The following TOGARAM1 variants were observed in gnomAD, a reference collection of about 807,000 sequenced individuals.
TOGARAM1 encodes the protein TOG array regulator of axonemal microtubules 1, also known as TOG array regulator of axonemal microtubules protein 1.
Under a neutral mutation model 166.6 loss-of-function variants are expected in TOGARAM1, and 100 were observed. The ratio of observed to expected loss-of-function variants is 0.60; its 90% CI spans 0.51 to 0.71. The LOEUF (loss-of-function observed/expected upper bound fraction) is 0.71. Ranked by LOEUF, TOGARAM1 falls within the 30% of genes least tolerant of loss-of-function variation. TOGARAM1 has a pLI of 0.00. For synonymous variants in TOGARAM1, 758 were observed against 763.8 expected (o/e 0.99, Z 0.13); for missense variants, 2,029 against 2,102.7 (o/e 0.96, Z 0.69).
At chr14:45,026,042 A>G (rs904535073) in intron 8 of TOGARAM1, among the ~76,000 whole-genome samples, 170 bp downstream of exon 8, 3 of 152,298 alleles carry the variant, frequency 2.0e-5, no homozygotes, top group Admixed American at 6.5e-5. Flanking sequence ...TTACCTTCAC[A>G]TTTCTATCTT....
intron 1 of TOGARAM1, among the ~76,000 whole-genome samples, chr14:44,981,232 T>A (rs947319060): frequency 6.6e-6 from 1 of 152,174 alleles, no homozygotes; most frequent in African/African-American, 2.4e-5. Flanking sequence ...GAGATATAGA[T>A]TCTGGAAGTC....
In TOGARAM1 at chr14:44,984,855, G is replaced by A. The variant is rs528083088; in HGVS notation, c.2047-10891G>A. On this transcript the variant is annotated intron_variant, in intron 1 of 19. Transcript: ENST00000361462. The stretch of plus-strand genomic sequence containing the variant: ...GCTATACCAGTTCCCTTAATAATGG[G>A]CAAAGCATATCGATTACCTTGTATA... Among the ~76,000 whole-genome samples the A allele has an allele frequency of 5.9e-5, 9 of 152,076 alleles. No individual in the cohort carries two copies. The South Asian group carries it at 6.2e-4, about 11-fold the overall frequency.
chr14:45,004,729 G>T (rs138916035), intron 4 of TOGARAM1, among the ~76,000 whole-genome samples: 2 of 152,222 alleles, frequency 1.3e-5, no homozygotes, highest in Middle Eastern at 3.4e-3. Context: ...TGGGATTACA[G>T]GCTTGAGCCA....
intron 1 of TOGARAM1, among the ~76,000 whole-genome samples, chr14:44,968,779 A>G (rs972896882): frequency 6.6e-6 from 1 of 152,148 alleles, no homozygotes; most frequent in Non-Finnish European, 1.5e-5. Flanking sequence ...GATTTTGGCA[A>G]ATGTATCCAT....
At chr14:45,048,314 C>CAAAAAA (rs1165258521) in intron 14 of TOGARAM1, among the ~76,000 whole-genome samples, 12 of 43,626 alleles carry the variant, frequency 2.8e-4, no homozygotes, top group Admixed American at 4.9e-4. Flanking sequence ...GACTCCATCT[C>CAAAAAA]AAAAAAAAAA....
chr14:45,056,380 C>T (rs1017699035), intron 16 of TOGARAM1, among the ~76,000 whole-genome samples: 1 of 152,010 alleles, frequency 6.6e-6, no homozygotes, highest in African/African-American at 2.4e-5. Context: ...TGCATGATTA[C>T]TTTATCTAGG....
chr14:45,004,481 TTAG>T (rs1174102690), intron 4 of TOGARAM1, 115 bp downstream of exon 4: 1 of 740,816 alleles, frequency 1.3e-6, no homozygotes, highest in Non-Finnish European at 2.1e-6. Flanking sequence ...CTGTCTGAAT[TTAG>T]TAAATATTTA....
chr14:45,045,306 C>T (rs866686753), intron 13 of TOGARAM1, among the ~76,000 whole-genome samples: 32 of 151,406 alleles, frequency 2.1e-4, no homozygotes, highest in Middle Eastern at 3.4e-3. Flanking sequence ...TTTTATCCCT[C>T]GCCCCCCTCC....
chr14:45,048,167 C>T (rs1337796437), intron 14 of TOGARAM1, among the ~76,000 whole-genome samples: 1 of 150,762 alleles, frequency 6.6e-6, no homozygotes, highest in Non-Finnish European at 1.5e-5. Flanking sequence ...TTCTGGCCAA[C>T]ATGGTGAAAC....
intron 9 of TOGARAM1, 93 bp downstream of exon 9, chr14:45,027,567 A>G (rs1385307888): frequency 2.0e-6 from 2 of 1,023,308 alleles, no homozygotes; most frequent in Non-Finnish European, 1.3e-6. Context: ...AAGTATTTCA[A>G]TTAAAATTTA....
At position 44,963,704 on chromosome 14, in the gene TOGARAM1, AGGTACAGC is replaced by A. The variant is rs1360294229; in HGVS notation, c.1284_1291del (p.Gln430LeufsTer50). The A allele has an allele frequency of 3.1e-6, 5 of 1,613,862 alleles. No individual in the cohort carries two copies. ...TTACTGGTTATTCGCCTTGGAGAGC[AGGTACAGC>A]AGTTCTTGGGACCAGTTATAGCAGC... On this transcript the variant is annotated frameshift_variant, in exon 1 of 20. Transcript: ENST00000361462. LOFTEE classifies it high-confidence loss of function.
At chr14:45,016,691 C>G (rs2138874729) in intron 7 of TOGARAM1, among the ~76,000 whole-genome samples, 1 of 152,282 alleles carries the variant, frequency 6.6e-6, no homozygotes, top group East Asian at 1.9e-4. Flanking sequence ...TTCACCATAC[C>G]TGGCCTCATT....
intron 19 of TOGARAM1, among the ~76,000 whole-genome samples, chr14:45,072,268 A>T (rs979569928): frequency 6.6e-6 from 1 of 152,164 alleles, no homozygotes; most frequent in African/African-American, 2.4e-5. Flanking sequence ...ATTTGTTCCT[A>T]TGACTTATCT....
At chr14:45,051,018 T>A (rs1210059730) in intron 14 of TOGARAM1, among the ~76,000 whole-genome samples, 1 of 152,232 alleles carries the variant, frequency 6.6e-6, no homozygotes, top group African/African-American at 2.4e-5. Flanking sequence ...AGTGTGGTAC[T>A]ATTTTGAAGT....
chr14:44,979,014 A>G (rs937008951), intron 1 of TOGARAM1, among the ~76,000 whole-genome samples: 1 of 151,570 alleles, frequency 6.6e-6, no homozygotes, highest in African/African-American at 2.4e-5. Context: ...ACATGTGGAC[A>G]AAATAGAAAT....
intron 14 of TOGARAM1, among the ~76,000 whole-genome samples, chr14:45,049,429 T>G (rs1334338066): frequency 3.9e-5 from 6 of 151,964 alleles, no homozygotes; most frequent in Non-Finnish European, 7.4e-5. Context: ...CCGGCTAATT[T>G]TTTGTATTTT....
At chr14:44,973,341 T>A (rs766951662) in intron 1 of TOGARAM1, among the ~76,000 whole-genome samples, 14 of 151,974 alleles carry the variant, frequency 9.2e-5, no homozygotes, top group Non-Finnish European at 1.9e-4. Context: ...AATATACTGC[T>A]TCACAGGTAA....
intron 7 of TOGARAM1, among the ~76,000 whole-genome samples, chr14:45,023,961 G>A (rs1162666817): frequency 6.6e-6 from 1 of 152,032 alleles, no homozygotes; most frequent in African/African-American, 2.4e-5. Context: ...GGCTGGTCTC[G>A]AACTCCTGAC....
chr14:45,065,671 A>G (rs183533155), intron 16 of TOGARAM1, among the ~76,000 whole-genome samples: 5 of 152,326 alleles, frequency 3.3e-5, no homozygotes, highest in Admixed American at 1.3e-4. Flanking sequence ...TTTGCAGGAA[A>G]GAGTTAACAT....
Sources: allele counts gnomAD v4.1 joint callset (sites outside exome capture counted in the v4.1 genomes callset), GRCh38; gene constraint gnomAD v4.1.1; transcripts MANE v1.5; gene names NCBI Gene and HGNC (gene_info 2026-07-23, HGNC 2026-07-21).